PCLO: variants seen among roughly 807,000 people sequenced by gnomAD.
PCLO encodes protein piccolo.
Under a neutral mutation model 427.5 loss-of-function variants are expected in PCLO, and 82 were observed. That is an observed-to-expected ratio of 0.19 (90% CI 0.16 to 0.23). PCLO has a LOEUF of 0.23. PCLO is among the 10% of genes least tolerant of loss of function. The pLI, the probability that PCLO is intolerant of heterozygous loss-of-function variation, is 1.00. For synonymous variants in PCLO, 2,357 were observed against 2,155.4 expected, an observed-to-expected ratio of 1.09 and a Z score of -2.59; for missense variants, 6,239 against 6,115.9, an observed-to-expected ratio of 1.02 and a Z score of -0.67.
chr7:82,881,807 A>T (rs953333828), intron 9 of PCLO, among the ~76,000 whole-genome samples: 3 of 151,050 alleles, frequency 2.0e-5, no homozygotes, highest in Non-Finnish European at 4.4e-5. Flanking sequence ...TGCCCACCTA[A>T]TTTTTTTTTA....
At chr7:82,785,922 G>A (rs1790975205) in intron 22 of PCLO, among the ~76,000 whole-genome samples, 1 of 152,078 alleles carries the variant, frequency 6.6e-6, no homozygotes, top group African/African-American at 2.4e-5. Context: ...GGCTGGTTGT[G>A]GTAAAACCTA....
intron 8 of PCLO, among the ~76,000 whole-genome samples, chr7:82,907,354 C>A (rs1399617730): frequency 6.6e-6 from 1 of 151,778 alleles, no homozygotes; most frequent in African/African-American, 2.4e-5. Flanking sequence ...TTCAGAGAAA[C>A]AAATGAGATG....
chr7:83,147,782 G>A (rs1171888045), intron 2 of PCLO, among the ~76,000 whole-genome samples: 1 of 152,080 alleles, frequency 6.6e-6, no homozygotes, highest in African/African-American at 2.4e-5. Context: ...AAAAAATAGT[G>A]CATAAATGTA....
At chr7:82,906,060 CACACACACAT>C (rs1794185266) in intron 8 of PCLO, among the ~76,000 whole-genome samples, 1 of 143,362 alleles carries the variant, frequency 7.0e-6, no homozygotes, top group African/African-American at 2.6e-5. Flanking sequence ...GATAGGTACA[CACACACACAT>C]ACACACACAT....
rs1459209995 is a variant in PCLO, at chr7:83,162,497, G to A, written c.96C>T (p.Pro32=). The change falls in exon 1 of 25, where the codon CCC becomes CCT. Residue 32 remains proline (P), a synonymous_variant. Transcript: ENST00000333891. ...TGCCGGCCGGGATCGCGGTGTGAGA[G>A]GGGCTCCCCGCCCCGCTAGCTCCTC... The part of the protein sequence containing the change: ...AGGGASGAGS[P]SHTAIPAGME... 9 of 1,569,638 alleles carry A rather than the reference G, an allele frequency of 5.7e-6. No homozygotes were observed. The highest frequency in any genetic ancestry group is 2.4e-5 in the East Asian group (1 of 42,086).
At chr7:82,982,037 T>C (rs1796157896) in intron 3 of PCLO, among the ~76,000 whole-genome samples, 1 of 152,146 alleles carries the variant, frequency 6.6e-6, no homozygotes. Context: ...GCTCTGTATG[T>C]TAATGCATAT....
At chr7:83,040,073 G>T (rs1788934123) in intron 3 of PCLO, among the ~76,000 whole-genome samples, 1 of 151,890 alleles carries the variant, frequency 6.6e-6, no homozygotes, top group Admixed American at 6.6e-5. Flanking sequence ...GATTTCTTAG[G>T]ATTTTTCTAT....
chr7:82,975,919 G>GT (rs1299783177), intron 3 of PCLO, among the ~76,000 whole-genome samples: 1 of 152,136 alleles, frequency 6.6e-6, no homozygotes, highest in African/African-American at 2.4e-5. Flanking sequence ...TGCCATGACC[G>GT]TAAGTTTCCT....
At chr7:83,142,337 A>G (rs1383738782) in intron 2 of PCLO, among the ~76,000 whole-genome samples, 7 of 152,124 alleles carry the variant, frequency 4.6e-5, no homozygotes, top group African/African-American at 1.7e-4. Flanking sequence ...TAAACTCATC[A>G]CAACTAAACT....
chr7:83,050,444 A>G (rs1211571508), intron 3 of PCLO, among the ~76,000 whole-genome samples: 1 of 151,786 alleles, frequency 6.6e-6, no homozygotes, highest in Non-Finnish European at 1.5e-5. Context: ...TTATTCCTTG[A>G]CATTAACTAT....
At chr7:82,788,320 G>A (rs1344742479) in intron 22 of PCLO, among the ~76,000 whole-genome samples, 2 of 148,192 alleles carry the variant, frequency 1.3e-5, no homozygotes, top group African/African-American at 4.9e-5. Flanking sequence ...TTAATAATCT[G>A]ATTTAAAAAG....
intron 8 of PCLO, among the ~76,000 whole-genome samples, chr7:82,907,696 G>A (rs935494180): frequency 6.6e-6 from 1 of 151,776 alleles, no homozygotes; most frequent in South Asian, 2.1e-4. Context: ...AACAAAATAT[G>A]TATTGAAGAT....
chr7:82,981,542 G>A (rs1796146964), intron 3 of PCLO, among the ~76,000 whole-genome samples: 1 of 152,050 alleles, frequency 6.6e-6, no homozygotes, highest in Non-Finnish European at 1.5e-5. Context: ...GTTGGCAGAT[G>A]TCTCTTTCTA....
intron 3 of PCLO, among the ~76,000 whole-genome samples, chr7:83,016,791 G>A (rs1362063083): frequency 1.3e-5 from 2 of 152,098 alleles, no homozygotes; most frequent in African/African-American, 2.4e-5. Flanking sequence ...GCTGCGTACT[G>A]GGTTTAGCTG....
intron 3 of PCLO, among the ~76,000 whole-genome samples, chr7:83,070,155 A>T (rs1421528930): frequency 6.6e-6 from 1 of 152,108 alleles, no homozygotes; most frequent in Non-Finnish European, 1.5e-5. Flanking sequence ...CATATTGGAA[A>T]AAACTCTACA....
At chr7:83,000,268 T>TGAGAGAGAGA (rs145445022) in intron 3 of PCLO, among the ~76,000 whole-genome samples, 1 of 54,126 alleles carries the variant, frequency 1.8e-5, no homozygotes, top group Non-Finnish European at 3.6e-5. Flanking sequence ...TTCAAAGTGT[T>TGAGAGAGAGA]GAGAGAGAGA....
chr7:83,135,051 A>G lies in PCLO; in HGVS notation c.2499T>C (p.His833=). 6.2e-7 allele frequency: 1 copy of G among 1,613,852 alleles called. No individual in the cohort carries two copies. Among genetic ancestry groups the G allele is most frequent in the South Asian group, 1.1e-5 (1 of 91,080 alleles). ...RPASDSKIIS[H]PGPSSESKGQ... ...CTTTGCTCTCTGAACTGGGACCAGG[A>G]TGTGAAATAATTTTTGAATCTGATG... The change falls in exon 3 of 25, where the codon CAT becomes CAC. Residue 833 remains histidine, a synonymous_variant. Coordinates refer to ENST00000333891, the MANE Select transcript of PCLO (RefSeq NM_033026.6).
Position 82,915,043 on chromosome 7 carries a change from T to C in PCLO, c.12943A>G (p.Arg4315Gly). 1 of 1,613,430 alleles carries C rather than the reference T, an allele frequency of 6.2e-7. No homozygotes were observed. The highest frequency in any genetic ancestry group is 1.3e-5 in the African/African-American group (1 of 75,042). ...GCTTCAGCCTCTTGAGCTTTCAGTC[T>C]TAGGGAAGAGCTAGAAGAATCCCTT... ...IKRDSSSSSL[R>G]LKAQEAEALD... Residue 4315 changes from arginine to glycine, a missense_variant, in exon 7 of 25, where the codon AGA becomes GGA. Physicochemically the swap from Arg to Gly is moderately radical, Grantham distance 125. Coordinates refer to ENST00000333891, the MANE Select transcript of PCLO (RefSeq NM_033026.6).
Position 82,973,248 on chromosome 7 carries a change from ATG to A in PCLO, c.3301-6763_3301-6762del, listed in dbSNP as rs953693269. ...TCCGTCCCTTCAAAAAATAAATGAA[ATG>A]TGTGTCAGGTCCTTTTATCATTATA... On this transcript the variant is annotated intron_variant, in intron 3 of 24. Coordinates refer to ENST00000333891, the MANE Select transcript of PCLO (RefSeq NM_033026.6). Among the ~76,000 whole-genome samples, 31 of 152,110 alleles carry A rather than the reference ATG, an allele frequency of 2.0e-4. 1 individual carries two copies. The highest frequency in any genetic ancestry group is 7.2e-4 in the African/African-American group (30 of 41,446).
Sources: gnomAD v4.1 joint callset for allele counts (sites outside exome capture counted in the v4.1 genomes callset) on GRCh38, gnomAD v4.1.1 for gene constraint, MANE v1.5 for transcripts, NCBI Gene and HGNC (gene_info 2026-07-23, HGNC 2026-07-21) for gene names.